Variants in TUSC3 observed in about 807,000 individuals in gnomAD.
The protein encoded by TUSC3 is dolichyl-diphosphooligosaccharide--protein glycosyltransferase subunit TUSC3.
In TUSC3, 45 loss-of-function variants were observed where a neutral mutation model predicts 44.8. The ratio of observed to expected loss-of-function variants is 1.00; its 90% CI spans 0.79 to 1.29. TUSC3 has a LOEUF of 1.29. TUSC3 is among the 50% of genes most tolerant of loss of function. The pLI, the probability that TUSC3 is intolerant of heterozygous loss-of-function variation, is 0.00. For missense variants in TUSC3, 519 were observed against 437.9 expected (o/e 1.19, Z -1.65); for synonymous variants, 212 against 152.9 (o/e 1.39, Z -2.85).
At chr8:15,531,251 G>C (rs1342279182) in intron 2 of TUSC3, among the ~76,000 whole-genome samples, 1 of 152,064 alleles carries the variant, frequency 6.6e-6, no homozygotes, top group African/African-American at 2.4e-5. Flanking sequence ...TTTCATTCCT[G>C]CTCTAAAGCT....
the TUSC3 span, among the ~76,000 whole-genome samples, chr8:15,799,108 AAAC>A: frequency 2.6e-5 from 4 of 152,206 alleles, no homozygotes; most frequent in Non-Finnish European, 2.9e-5. Flanking sequence ...ACTGCAAAAC[AAAC>A]AACAACAAAA....
At chr8:15,652,480 C>G in intron 3 of TUSC3, among the ~76,000 whole-genome samples, 1 of 152,038 alleles carries the variant, frequency 6.6e-6, no homozygotes, top group East Asian at 1.9e-4. Flanking sequence ...TAGTTTTGCT[C>G]CTATGGTACC....
At chr8:15,796,836 C>T in the TUSC3 span, among the ~76,000 whole-genome samples, 2 of 152,124 alleles carry the variant, frequency 1.3e-5, no homozygotes, top group Admixed American at 1.3e-4. Flanking sequence ...GGGCCCTTCC[C>T]AACTTGTCAT....
chr8:15,477,630 G>C (rs1002051158), intron 1 of TUSC3, among the ~76,000 whole-genome samples: 9 of 152,110 alleles, frequency 5.9e-5, no homozygotes, highest in Admixed American at 5.9e-4. Context: ...GCTGAGGTAG[G>C]AGAATGGCGT....
At chr8:15,733,576 G>A (rs1035233576) in intron 7 of TUSC3, 2 of 228,904 alleles carry the variant, frequency 8.7e-6, no homozygotes, top group Non-Finnish European at 1.8e-5. Flanking sequence ...AATTTCACAA[G>A]CAGTGTGAAT....
intron 6 of TUSC3, among the ~76,000 whole-genome samples, chr8:15,715,035 A>G (rs1443663816): frequency 6.6e-6 from 1 of 152,176 alleles, no homozygotes; most frequent in Non-Finnish European, 1.5e-5. Flanking sequence ...CTTCTTGATT[A>G]AACAAGTTAC....
At position 15,666,996 on chromosome 8, in the gene TUSC3, CAT is replaced by C. The variant is rs1306747513; in HGVS notation, c.708+4705_708+4706del. ...ACTCAAAGTACATTTTAAAACTACT[CAT>C]ATATGGATAGATTTTAGCATTTGAA... On this transcript the variant is annotated intron_variant, in intron 5 of 10. Coordinates refer to ENST00000503731, the MANE Select transcript of TUSC3 (RefSeq NM_006765.4). Among the ~76,000 whole-genome samples, 5 of 151,578 alleles carry C rather than the reference CAT, an allele frequency of 3.3e-5. No homozygotes were observed. The East Asian group carries it at 5.8e-4, about 18-fold the overall frequency.
At chr8:15,652,874 T>A (rs1013239334) in intron 3 of TUSC3, among the ~76,000 whole-genome samples, 2 of 152,166 alleles carry the variant, frequency 1.3e-5, no homozygotes, top group Non-Finnish European at 2.9e-5. Flanking sequence ...GACAGGGAGT[T>A]GGGTTAGTTT....
rs1193305467 is a variant in TUSC3, at chr8:15,560,009, A to G, written c.138+19441A>G. 9.8e-5 allele frequency among the ~76,000 whole-genome samples: 11 copies of G among 111,690 alleles called. No homozygotes were observed. The East Asian group carries it at 3.0e-3, about 30-fold the overall frequency. 73.3% of individuals were successfully genotyped at this position (111,690 alleles called of 152,430 possible). A position where few individuals can be genotyped will look rare whatever the true frequency, so the allele number is the denominator to read the frequency against. On this transcript the variant is annotated intron_variant, in intron 1 of 10. Coordinates refer to ENST00000503731, the MANE Select transcript of TUSC3 (RefSeq NM_006765.4). Reference sequence around the variant, plus strand: ...GAGCATTTAGTCCATTTACATTTAAAGTTAATATTGTTATGTGTGAATTTG... The same window carrying G: ...GAGCATTTAGTCCATTTACATTTAAGGTTAATATTGTTATGTGTGAATTTG...
intron 1 of TUSC3, among the ~76,000 whole-genome samples, chr8:15,433,302 C>G (rs73189475): frequency 0.17 from 25,092 of 151,990 alleles, 2,128 homozygotes; most frequent in Middle Eastern, 0.22. Flanking sequence ...TGAGGCCACA[C>G]CAATGAAGTC....
At chr8:15,573,892 A>C (rs970445488) in intron 1 of TUSC3, among the ~76,000 whole-genome samples, 3 of 151,950 alleles carry the variant, frequency 2.0e-5, no homozygotes, top group Non-Finnish European at 4.4e-5. Context: ...AGTTCCAAAT[A>C]TGGGGGGTGA....
At chr8:15,849,647 G>T in the TUSC3 span, among the ~76,000 whole-genome samples, 1 of 152,102 alleles carries the variant, frequency 6.6e-6, no homozygotes, top group Admixed American at 6.6e-5. Context: ...TCTCACACTA[G>T]CAAATCCTGT....
chr8:15,662,173 A>C lies in TUSC3; in HGVS notation c.585A>C (p.Pro195=), dbSNP rs780023022. The C allele has an allele frequency of 6.2e-7, 1 of 1,612,864 alleles. No homozygotes were observed. The change falls in exon 5 of 11, where the codon CCA becomes CCC. Residue 195 remains proline, a synonymous_variant. Coordinates refer to ENST00000503731, the MANE Select transcript of TUSC3 (RefSeq NM_006765.4). ...TTTTGCAGATTCGGGTTTTCAGACC[A>C]CCCAACTACTCTGGTACCATTGCTT... ...RTDVHIRVFR[P]PNYSGTIALA...
intron 10 of TUSC3, among the ~76,000 whole-genome samples, chr8:15,763,429 G>C (rs1812232716): frequency 6.6e-6 from 1 of 151,106 alleles, no homozygotes; most frequent in South Asian, 2.1e-4. Flanking sequence ...TTAAGTACAA[G>C]AACTATTAAT....
At chr8:15,678,605 A>G (rs1044446331) in intron 6 of TUSC3, among the ~76,000 whole-genome samples, 5 of 152,232 alleles carry the variant, frequency 3.3e-5, no homozygotes, top group African/African-American at 7.2e-5. Flanking sequence ...AAGAACATCT[A>G]TCTCTATAGG....
chr8:15,720,664 A>G (rs1037625024), intron 6 of TUSC3, among the ~76,000 whole-genome samples: 4 of 152,080 alleles, frequency 2.6e-5, no homozygotes, highest in African/African-American at 9.7e-5. Context: ...TAGATTTCTA[A>G]AGCTGCTGGC....
At chr8:15,739,603 C>G (rs1402346297) in intron 7 of TUSC3, among the ~76,000 whole-genome samples, 2 of 151,880 alleles carry the variant, frequency 1.3e-5, no homozygotes, top group Non-Finnish European at 1.5e-5. Context: ...AAGGTAAATT[C>G]ATAGACATCT....
At chr8:15,448,070 G>C (rs1448872094) in intron 1 of TUSC3, among the ~76,000 whole-genome samples, 1 of 112,484 alleles carries the variant, frequency 8.9e-6, no homozygotes, top group East Asian at 2.3e-4. Flanking sequence ...AAGCATTCCT[G>C]TCAGGGCAGA....
intron 1 of TUSC3, among the ~76,000 whole-genome samples, chr8:15,605,071 G>T (rs369455054): frequency 3.2e-4 from 48 of 151,864 alleles, no homozygotes; most frequent in African/African-American, 1.1e-3. Context: ...AAAGATGAAT[G>T]TAGTAGTGAC....
Sources: gnomAD v4.1 joint callset for allele counts (sites outside exome capture counted in the v4.1 genomes callset) on GRCh38, gnomAD v4.1.1 for gene constraint, MANE v1.5 for transcripts, NCBI Gene and HGNC (gene_info 2026-07-23, HGNC 2026-07-21) for gene names.